The following CDR2 variants were observed in gnomAD, a reference collection of about 807,000 sequenced individuals.
CDR2 encodes cerebellar degeneration-related protein 2.
CDR2 carries 34 observed loss-of-function variants against 48.4 expected under a neutral mutation model. That is an observed-to-expected ratio of 0.70 (90% CI 0.53 to 0.94). The LOEUF (loss-of-function observed/expected upper bound fraction) is 0.94. Ranked by LOEUF, CDR2 falls within the 40% of genes least tolerant of loss-of-function variation. The pLI is 0.00. For missense variants in CDR2, 498 were observed against 549.5 expected (o/e 0.91, Z 0.94); for synonymous variants, 240 against 219.7 (o/e 1.09, Z -0.82).
chr16:22,363,124 TACAG>T (rs1465750691), intron 2 of CDR2, among the ~76,000 whole-genome samples: 5 of 151,934 alleles, frequency 3.3e-5, no homozygotes, highest in African/African-American at 7.3e-5. Flanking sequence ...GTATTTTTAG[TACAG>T]ACAAAGTTTC....
rs2049071019 is a variant in CDR2 at position 22,370,858 on chromosome 16, G to A, written c.79+3373C>T. On this transcript the variant is annotated intron_variant, in intron 1 of 4. Coordinates refer to ENST00000268383, the MANE Select transcript of CDR2 (RefSeq NM_001802.2). The stretch of plus-strand genomic sequence containing the variant: ...AAAGATTCAATCTATTCAGAGCATG[G>A]CTTACTACTGCTAAAGGAAAACATT... Among the ~76,000 whole-genome samples the A allele has an allele frequency of 2.0e-5, 3 of 152,188 alleles. No individual in the cohort carries two copies. In the South Asian group the frequency reaches 6.2e-4, roughly 31 times the overall value.
Position 22,347,258 on chromosome 16 carries a change from C to A in CDR2, c.1072G>T (p.Val358Leu). 6.2e-7 allele frequency: 1 copy of A among 1,614,248 alleles called. No individual in the cohort carries two copies. Among genetic ancestry groups the A allele is most frequent in the Non-Finnish European group, 8.5e-7 (1 of 1,180,048 alleles). ...TTCTTCAGCAACTCTTCATACTTCA[C>A]CTTCAGGGCGCTGTACTGCGTGTCC... ...EVDTQYSALKVKYEELLKKCQ... is the reference protein window; with the variant it reads ...EVDTQYSALKLKYEELLKKCQ... The change falls in exon 5 of 5, where the codon GTG becomes TTG. Residue 358 changes from valine to leucine, a missense_variant. By Grantham distance (32) the Val-to-Leu change is conservative (BLOSUM62 1). Transcript: ENST00000268383.
At chr16:22,350,189 CAA>C (rs958486409) in intron 2 of CDR2, among the ~76,000 whole-genome samples, 8 of 136,148 alleles carry the variant, frequency 5.9e-5, no homozygotes, top group Non-Finnish European at 6.4e-5. Context: ...AACTCCATCT[CAA>C]AAAAAAAAAA....
At chr16:22,364,870 C>A in intron 2 of CDR2, 32 bp downstream of exon 2, 1 of 1,313,682 alleles carries the variant, frequency 7.6e-7, no homozygotes, top group South Asian at 1.2e-5. Flanking sequence ...ATCGAAGTGT[C>A]AAAAGTGTAA....
At position 22,349,414 on chromosome 16, in the gene CDR2, G is replaced by C. The variant is rs775569433; in HGVS notation, c.371C>G (p.Thr124Ser). 1.1e-5 allele frequency: 18 copies of C among 1,614,030 alleles called. No individual in the cohort carries two copies. The highest frequency in any genetic ancestry group is 1.5e-5 in the Non-Finnish European group (18 of 1,180,038). Residue 124 changes from threonine to serine, a missense_variant, in exon 4 of 5, where the codon ACC (threonine) becomes AGC (serine). Coordinates refer to ENST00000268383, the MANE Select transcript of CDR2 (RefSeq NM_001802.2). ...SLTETIECLQ[T>S]NIDHLQSQVE... is the part of the protein sequence containing the mutation. ...TTGGCTCTGGAGGTGATCAATGTTG[G>C]TTTGCAGGCATTCAATCGTTTCAGT... is the stretch of plus-strand genomic sequence containing the variant.
Position 22,371,287 on chromosome 16 carries a change from G to A in CDR2, c.79+2944C>T, listed in dbSNP as rs1003737952. Among the ~76,000 whole-genome samples the A allele has an allele frequency of 2.0e-5, 3 of 152,138 alleles. No individual in the cohort carries two copies. The East Asian group carries it at 5.8e-4, about 29-fold the overall frequency. ...AATAATAATGAGGATGTTAAAAAAC[G>A]GACAGATGCCTGCACATAAAATCCC... On this transcript the variant is annotated intron_variant, in intron 1 of 4. Transcript: ENST00000268383.
intron 2 of CDR2, among the ~76,000 whole-genome samples, chr16:22,361,797 A>T (rs1404055613): frequency 6.6e-6 from 1 of 152,186 alleles, no homozygotes; most frequent in Non-Finnish European, 1.5e-5. Flanking sequence ...AGATCTAGGA[A>T]CCAGTGGACT....
chr16:22,371,109 G>T (rs2141855511), intron 1 of CDR2, among the ~76,000 whole-genome samples: 1 of 152,210 alleles, frequency 6.6e-6, no homozygotes. Flanking sequence ...TACTTGGGAG[G>T]CTGAGGCAGG....
At chr16:22,368,316 T>C (rs1200200243) in intron 1 of CDR2, among the ~76,000 whole-genome samples, 2 of 152,134 alleles carry the variant, frequency 1.3e-5, no homozygotes, top group Non-Finnish European at 2.9e-5. Flanking sequence ...TTCAAGTGAT[T>C]CTCCTGCCTC....
chr16:22,351,686 G>A (rs970185712), intron 2 of CDR2, among the ~76,000 whole-genome samples: 3 of 152,122 alleles, frequency 2.0e-5, no homozygotes, highest in Middle Eastern at 3.4e-3. Flanking sequence ...CCTTATTCAC[G>A]AGAAATTTAT....
intron 1 of CDR2, among the ~76,000 whole-genome samples, chr16:22,370,560 C>A (rs982217818): frequency 6.6e-6 from 1 of 152,126 alleles, no homozygotes; most frequent in Admixed American, 6.5e-5. Context: ...AAAGCAAGCA[C>A]CATCATTACC....
chr16:22,354,726 TAA>T (rs755319252), intron 2 of CDR2, among the ~76,000 whole-genome samples: 12 of 132,194 alleles, frequency 9.1e-5, no homozygotes, highest in Admixed American at 3.1e-4. Flanking sequence ...CATCTCTACT[TAA>T]AAAAAAAAAA....
chr16:22,374,374 T>A lies in CDR2; in HGVS notation c.-65A>T. On this transcript the variant is annotated 5_prime_UTR_variant, in exon 1 of 5. Coordinates refer to ENST00000268383, the MANE Select transcript of CDR2 (RefSeq NM_001802.2). ...TCCCGCCTCAGCCGCTGCCCCGGGC[T>A]CTTCCCCGGCCCCTCCGCCCTCAGC... is the stretch of plus-strand genomic sequence containing the variant. 8.4e-7 allele frequency: 1 copy of A among 1,197,416 alleles called. No individual in the cohort carries two copies. The highest frequency in any genetic ancestry group is 1.2e-6 in the Non-Finnish European group (1 of 836,344). 74.2% of individuals were successfully genotyped at this position (1,197,416 alleles called of 1,614,324 possible).
chr16:22,360,057 C>T (rs965550614), intron 2 of CDR2, among the ~76,000 whole-genome samples: 1 of 152,226 alleles, frequency 6.6e-6, no homozygotes, highest in African/African-American at 2.4e-5. Flanking sequence ...GAAGGCCAGA[C>T]TACTTTGAGT....
At chr16:22,349,638 T>G (rs1157056047) in intron 3 of CDR2, 63 bp downstream of exon 3, 3 of 1,547,120 alleles carry the variant, frequency 1.9e-6, no homozygotes, top group Non-Finnish European at 2.7e-6. Context: ...AGCCATGTTC[T>G]ATTCTAGTTT....
At chr16:22,363,178 G>C (rs1214849051) in intron 2 of CDR2, among the ~76,000 whole-genome samples, 1 of 152,126 alleles carries the variant, frequency 6.6e-6, no homozygotes, top group Admixed American at 6.5e-5. Context: ...CTGACCTCAA[G>C]TGATCTGCCT....
In CDR2 at chr16:22,349,872, G is replaced by C. The variant is rs769751498; in HGVS notation, c.193-23C>G. On this transcript the variant is annotated intron_variant, in intron 2 of 4. Transcript: ENST00000268383. ...ATACTGTAAGAGAAGATCAGGACCAGGTGACACAAACAGATAAGATACCTG... is the reference window on the plus strand; with the variant it reads ...ATACTGTAAGAGAAGATCAGGACCACGTGACACAAACAGATAAGATACCTG... 9 of 1,612,880 alleles carry C rather than the reference G, an allele frequency of 5.6e-6. No homozygotes were observed. The South Asian group carries it at 8.8e-5, about 16-fold the overall frequency.
chr16:22,348,063 G>A (rs551180062), intron 4 of CDR2, among the ~76,000 whole-genome samples: 67 of 152,066 alleles, frequency 4.4e-4, no homozygotes, highest in Admixed American at 9.2e-4. Flanking sequence ...TCAGCCTCCC[G>A]AGTAACTGGG....
chr16:22,360,448 T>C (rs2049003369), intron 2 of CDR2, among the ~76,000 whole-genome samples: 1 of 152,162 alleles, frequency 6.6e-6, no homozygotes, highest in East Asian at 1.9e-4. Context: ...ACTGATCAAT[T>C]TTTAGGAGGA....
Sources: allele counts gnomAD v4.1 joint callset (sites outside exome capture counted in the v4.1 genomes callset), GRCh38; gene constraint gnomAD v4.1.1; transcripts MANE v1.5; gene names NCBI Gene and HGNC (gene_info 2026-07-23, HGNC 2026-07-21).